CWC27: variants seen among roughly 807,000 people sequenced by gnomAD.
The protein encoded by CWC27 is spliceosome-associated protein CWC27 homolog.
A neutral mutation model predicts 63.6 loss-of-function variants in CWC27; 47 were observed. The observed-to-expected ratio is 0.74, with a 90% CI of 0.58 to 0.94. The LOEUF (loss-of-function observed/expected upper bound fraction) is 0.94. CWC27 is among the 40% of genes least tolerant of loss of function. CWC27 has a pLI of 0.00. For missense variants in CWC27, 495 were observed against 554.3 expected, an observed-to-expected ratio of 0.89 and a Z score of 1.07; for synonymous variants, 175 against 179.8, an observed-to-expected ratio of 0.97 and a Z score of 0.22.
chr5:64,772,891 C>T (rs1050643046), intron 1 of CWC27, among the ~76,000 whole-genome samples: 7 of 150,680 alleles, frequency 4.6e-5, no homozygotes, highest in East Asian at 1.9e-4. Context: ...GAGCCGAGAT[C>T]GTGCCGTTGC....
chr5:64,878,054 G>C (rs1430779617), intron 10 of CWC27, among the ~76,000 whole-genome samples: 2 of 151,790 alleles, frequency 1.3e-5, no homozygotes, highest in Non-Finnish European at 3.0e-5. Flanking sequence ...TTATAATTTT[G>C]ATTATGCATT....
At chr5:64,923,375 T>C (rs1172544206) in intron 11 of CWC27, among the ~76,000 whole-genome samples, 1 of 151,720 alleles carries the variant, frequency 6.6e-6, no homozygotes, top group Non-Finnish European at 1.5e-5. Context: ...TCCCTCCAGG[T>C]CCAACAGCTT....
chr5:64,982,749 G>A (rs1350593604), intron 13 of CWC27, among the ~76,000 whole-genome samples: 1 of 152,156 alleles, frequency 6.6e-6, no homozygotes, highest in Non-Finnish European at 1.5e-5. Context: ...TTTAGTATTA[G>A]GCAGTGGAAC....
At chr5:64,878,044 T>C (rs1167278305) in intron 10 of CWC27, among the ~76,000 whole-genome samples, 2 of 151,980 alleles carry the variant, frequency 1.3e-5, no homozygotes, top group African/African-American at 4.8e-5. Context: ...CTTTTTACAC[T>C]TATAATTTTG....
chr5:64,791,409 G>A (rs187094833), intron 7 of CWC27, among the ~76,000 whole-genome samples: 10 of 151,828 alleles, frequency 6.6e-5, no homozygotes, highest in East Asian at 5.8e-4. Flanking sequence ...AGCAATTTGC[G>A]TTTCAGATTG....
intron 13 of CWC27, among the ~76,000 whole-genome samples, chr5:64,989,647 A>T (rs986083826): frequency 1.3e-5 from 2 of 152,198 alleles, no homozygotes; most frequent in Non-Finnish European, 1.5e-5. Flanking sequence ...GCAGTGGTTG[A>T]CATGACCTAT....
At chr5:64,809,081 T>C (rs955278158) in intron 10 of CWC27, among the ~76,000 whole-genome samples, 4 of 152,098 alleles carry the variant, frequency 2.6e-5, no homozygotes, top group African/African-American at 9.7e-5. Context: ...TAAATTCACC[T>C]CTTGCCCCAT....
intron 11 of CWC27, among the ~76,000 whole-genome samples, chr5:64,936,512 T>C (rs1286458578): frequency 1.3e-5 from 2 of 152,358 alleles, no homozygotes; most frequent in East Asian, 3.9e-4. Context: ...CAGTATCTTA[T>C]TGAGGATTTT....
At chr5:64,883,172 T>C (rs1289134736) in intron 10 of CWC27, among the ~76,000 whole-genome samples, 1 of 152,142 alleles carries the variant, frequency 6.6e-6, no homozygotes, top group Non-Finnish European at 1.5e-5. Context: ...ACTCACTCAC[T>C]ATCATGAGAA....
chr5:64,909,235 TTCTGCTGAGAGATTTCAGTGGAAACC>T (rs1306278824), intron 11 of CWC27, among the ~76,000 whole-genome samples: 7 of 152,192 alleles, frequency 4.6e-5, no homozygotes, highest in Non-Finnish European at 1.0e-4. Context: ...CTTGTAGCGT[TTCTGCTGAGAGATTTCAGTGGAAACC>T]TCTGCTGAGA....
In CWC27 at chr5:64,892,468, AT is replaced by A. The variant is rs1389376061; in HGVS notation, c.1042+6923del. On this transcript the variant is annotated intron_variant, in intron 11 of 13. Coordinates refer to ENST00000381070, the MANE Select transcript of CWC27 (RefSeq NM_005869.4). ...AAAGGTTAAAAAGAAAGATTACCCCATAATACTTCGCCAAAGATAACCAGTT... is the reference window on the plus strand; with the variant it reads ...AAAGGTTAAAAAGAAAGATTACCCCAAATACTTCGCCAAAGATAACCAGTT... 2.6e-5 allele frequency among the ~76,000 whole-genome samples: 4 copies of A among 152,238 alleles called. No homozygotes were observed. In the East Asian group the frequency reaches 7.7e-4, roughly 29 times the overall value.
chr5:64,869,210 T>G (rs1014527637), intron 10 of CWC27, among the ~76,000 whole-genome samples: 15 of 152,112 alleles, frequency 9.9e-5, no homozygotes, highest in African/African-American at 3.6e-4. Context: ...TAGAGGTATA[T>G]GTAGGCCAGC....
chr5:64,829,209 T>C (rs2112260490), intron 10 of CWC27, among the ~76,000 whole-genome samples: 1 of 152,278 alleles, frequency 6.6e-6, no homozygotes, highest in Non-Finnish European at 1.5e-5. Context: ...ATGTGTTTTA[T>C]TCTTTTTCTT....
intron 10 of CWC27, among the ~76,000 whole-genome samples, chr5:64,858,463 AAATAATAATAATAATAAT>A (rs199882585): frequency 6.8e-6 from 1 of 146,550 alleles, no homozygotes; most frequent in Non-Finnish European, 1.5e-5. Context: ...CTCCATCTCA[AAATAATAATAATAATAAT>A]AATAATAATA....
intron 2 of CWC27, among the ~76,000 whole-genome samples, chr5:64,779,978 T>C (rs887021010): frequency 6.6e-6 from 1 of 152,212 alleles, no homozygotes; most frequent in Non-Finnish European, 1.5e-5. Context: ...CCCAGCAATG[T>C]GGGACTGTCA....
chr5:64,885,619 C>G, intron 11 of CWC27, 73 bp downstream of exon 11: 7 of 1,090,188 alleles, frequency 6.4e-6, no homozygotes, highest in Admixed American at 2.1e-5. Context: ...CCTCCCTGCC[C>G]GCTCCCGTAT....
At chr5:64,821,029 A>T (rs1016616843) in intron 10 of CWC27, among the ~76,000 whole-genome samples, 1 of 151,996 alleles carries the variant, frequency 6.6e-6, no homozygotes, top group Admixed American at 6.6e-5. Flanking sequence ...CTGATAAAAG[A>T]CTTGTATCCA....
chr5:64,916,216 A>G (rs1747885297), intron 11 of CWC27, among the ~76,000 whole-genome samples: 1 of 152,228 alleles, frequency 6.6e-6, no homozygotes, highest in Non-Finnish European at 1.5e-5. Flanking sequence ...AAATTTTGCA[A>G]AAGAATCCAA....
At chr5:64,956,829 C>T (rs555498022) in intron 11 of CWC27, among the ~76,000 whole-genome samples, 93 of 152,234 alleles carry the variant, frequency 6.1e-4, no homozygotes, top group Non-Finnish European at 1.1e-3. Flanking sequence ...AAGAGATAAC[C>T]TATCTAAACC....
Sources: gnomAD v4.1 joint callset for allele counts (sites outside exome capture counted in the v4.1 genomes callset) on GRCh38, gnomAD v4.1.1 for gene constraint, MANE v1.5 for transcripts, NCBI Gene and HGNC (gene_info 2026-07-23, HGNC 2026-07-21) for gene names.